Variants in DNAH14 observed in about 807,000 individuals in gnomAD.
DNAH14 encodes dynein axonemal heavy chain 14.
In DNAH14, 478 loss-of-function variants were observed where a neutral mutation model predicts 520.9. That is an observed-to-expected ratio of 0.92 (90% CI 0.85 to 0.99). The LOEUF is 0.99. Ranked by LOEUF, DNAH14 falls within the 50% of genes least tolerant of loss-of-function variation. DNAH14 has a pLI of 0.00. For missense variants in DNAH14, 4,831 were observed against 5,234.5 expected (o/e 0.92, Z 2.38); for synonymous variants, 1,581 against 1,757.2 (o/e 0.90, Z 2.51).
intron 41 of DNAH14, among the ~76,000 whole-genome samples, chr1:225,217,292 C>T (rs768875216): frequency 2.6e-5 from 4 of 151,978 alleles, no homozygotes; most frequent in East Asian, 1.9e-4. Context: ...CACTGCCCTG[C>T]GAGGTGTCAG....
chr1:225,335,503 A>T (rs1343272869), intron 66 of DNAH14, among the ~76,000 whole-genome samples: 1 of 122,248 alleles, frequency 8.2e-6, no homozygotes, highest in Non-Finnish European at 1.7e-5. Context: ...GTGTACATGT[A>T]CACATATACA....
chr1:225,290,721 TTTC>T (rs1312463000), intron 55 of DNAH14, among the ~76,000 whole-genome samples: 1 of 142,386 alleles, frequency 7.0e-6, no homozygotes, highest in Non-Finnish European at 1.5e-5. Context: ...GCTTGTCTAT[TTTC>T]TTTTCAAATT....
intron 28 of DNAH14, 111 bp downstream of exon 28, chr1:225,141,132 C>A: frequency 1.8e-6 from 2 of 1,098,368 alleles, no homozygotes; most frequent in Non-Finnish European, 2.5e-6. Context: ...ATTTTGGGGG[C>A]TTTACCAAAA....
chr1:225,297,455 T>C (rs1459567982), intron 55 of DNAH14, among the ~76,000 whole-genome samples: 1 of 152,200 alleles, frequency 6.6e-6, no homozygotes, highest in Non-Finnish European at 1.5e-5. Context: ...ATGTGTCCCT[T>C]CATTGATTTC....
At chr1:225,080,862 TG>T (rs2073037778) in intron 19 of DNAH14, 114 bp downstream of exon 19, 3 of 1,114,128 alleles carry the variant, frequency 2.7e-6, no homozygotes, top group Non-Finnish European at 3.7e-6. Context: ...TTGACCATTA[TG>T]GCTAGAGCTA....
chr1:225,022,834 A>G (rs1324946837), intron 10 of DNAH14, among the ~76,000 whole-genome samples: 1 of 152,222 alleles, frequency 6.6e-6, no homozygotes, highest in Non-Finnish European at 1.5e-5. Flanking sequence ...AAAGACATGG[A>G]ATCAACCTAG....
chr1:225,246,352 T>C (rs1206094502), intron 43 of DNAH14, among the ~76,000 whole-genome samples: 1 of 152,038 alleles, frequency 6.6e-6, no homozygotes, highest in Admixed American at 6.6e-5. Context: ...CCAAAAGCAG[T>C]TGCAACAAAA....
At position 225,205,586 on chromosome 1, in the gene DNAH14, A is replaced by C. The variant is rs77346980; in HGVS notation, c.5978-385A>C. 5.0e-3 allele frequency among the ~76,000 whole-genome samples: 763 copies of C among 152,338 alleles called. 6 individuals carry two copies. The highest frequency in any genetic ancestry group is 0.017 in the African/African-American group (720 of 41,582). On this transcript the variant is annotated intron_variant, in intron 39 of 85. Coordinates refer to ENST00000682510, the MANE Select transcript of DNAH14 (RefSeq NM_001367479.1). ...AAACTCTGTTTGATTATTTCTTCAA[A>C]GAACATCTGTTTCCCTTTGCTATTC... is the stretch of plus-strand genomic sequence containing the variant.
At chr1:225,091,037 A>G (rs1274192502) in intron 21 of DNAH14, among the ~76,000 whole-genome samples, 1 of 152,114 alleles carries the variant, frequency 6.6e-6, no homozygotes, top group Non-Finnish European at 1.5e-5. Flanking sequence ...TAAGAAAACA[A>G]AACAATCCTG....
Position 224,954,971 on chromosome 1 carries a change from T to A in DNAH14, c.90T>A (p.Tyr30Ter). 6.3e-7 allele frequency: 1 copy of A among 1,593,144 alleles called. No homozygotes were observed. Among genetic ancestry groups the A allele is most frequent in the South Asian group, 1.1e-5 (1 of 87,062 alleles). Residue 30 changes from tyrosine (Y) to a stop codon, truncating the protein, a stop_gained, in exon 3 of 86, where the codon TAT (tyrosine) becomes TAA (stop). Transcript: ENST00000682510. LOFTEE classifies it high-confidence loss of function. ...CTTTGTCATTTAGACTTTTAAGATA[T>A]GAAGAGAAAAAATATGAAGATGTGA... ...ETKTKPRLLR[Y>*]EEKKYEDVKP...
intron 77 of DNAH14, among the ~76,000 whole-genome samples, chr1:225,370,002 A>T (rs143148997): frequency 1.3e-5 from 2 of 152,112 alleles, no homozygotes; most frequent in African/African-American, 4.8e-5. Flanking sequence ...CCTGGCCAAC[A>T]TGATGAAACC....
intron 54 of DNAH14, among the ~76,000 whole-genome samples, chr1:225,286,974 G>A (rs530574601): frequency 3.9e-5 from 6 of 152,212 alleles, no homozygotes; most frequent in African/African-American, 1.4e-4. Flanking sequence ...GAAAGAAGTC[G>A]GTCTGGAAAG....
At chr1:225,243,247 A>G (rs527249162) in intron 43 of DNAH14, among the ~76,000 whole-genome samples, 3 of 152,298 alleles carry the variant, frequency 2.0e-5, no homozygotes, top group Admixed American at 2.0e-4. Context: ...AAAACAATGA[A>G]TATGAAATTT....
At chr1:225,398,953 T>C (rs970974485) in intron 85 of DNAH14, 101 bp from the exon 86 acceptor site, 1 of 947,032 alleles carries the variant, frequency 1.1e-6, no homozygotes, top group Non-Finnish European at 1.6e-6. Flanking sequence ...TAAATGTATC[T>C]AATTCATAAC....
At chr1:225,064,786 G>T (rs892399366) in intron 17 of DNAH14, among the ~76,000 whole-genome samples, 35 of 151,962 alleles carry the variant, frequency 2.3e-4, no homozygotes, top group Non-Finnish European at 4.7e-4. Flanking sequence ...ATTGGGATGG[G>T]TCACAAGGCA....
chr1:225,316,930 G>T (rs1302593442), intron 60 of DNAH14, among the ~76,000 whole-genome samples: 1 of 152,112 alleles, frequency 6.6e-6, no homozygotes, highest in African/African-American at 2.4e-5. Context: ...TGGCAGAATT[G>T]ATCAAATGTG....
At chr1:224,961,812 T>A (rs900179982) in intron 4 of DNAH14, among the ~76,000 whole-genome samples, 1 of 152,136 alleles carries the variant, frequency 6.6e-6, no homozygotes, top group Non-Finnish European at 1.5e-5. Context: ...CATTAAGAAT[T>A]CTTAATATTT....
chr1:225,098,617 A>C (rs940033656), intron 22 of DNAH14, among the ~76,000 whole-genome samples: 3 of 152,224 alleles, frequency 2.0e-5, no homozygotes, highest in African/African-American at 7.2e-5. Flanking sequence ...TGTGTTATAC[A>C]TGTATATTTC....
At chr1:225,237,476 C>A (rs1405798783) in intron 42 of DNAH14, among the ~76,000 whole-genome samples, 1 of 152,184 alleles carries the variant, frequency 6.6e-6, no homozygotes, top group Non-Finnish European at 1.5e-5. Flanking sequence ...TCTGAGAAGT[C>A]TACTGTTAGT....
Sources: gnomAD v4.1 joint callset for allele counts (sites outside exome capture counted in the v4.1 genomes callset) on GRCh38, gnomAD v4.1.1 for gene constraint, MANE v1.5 for transcripts, NCBI Gene and HGNC (gene_info 2026-07-23, HGNC 2026-07-21) for gene names.